ASIC2: variants seen among roughly 807,000 people sequenced by gnomAD.
ASIC2 encodes the protein acid sensing ion channel subunit 2.
A neutral mutation model predicts 57.3 loss-of-function variants in ASIC2; 25 were observed. That is an observed-to-expected ratio of 0.44 (90% confidence interval 0.32 to 0.61). ASIC2 has a LOEUF of 0.61. Among genes scored for constraint, ASIC2 ranks in the 20% least tolerant of loss-of-function variants. The pLI, the probability that ASIC2 is intolerant of heterozygous loss-of-function variation, is 0.06. For synonymous variants in ASIC2, 319 were observed against 307.5 expected (o/e 1.04, Z -0.39); for missense variants, 641 against 738.1 (o/e 0.87, Z 1.52).
intron 1 of ASIC2, among the ~76,000 whole-genome samples, chr17:33,527,687 T>C (rs1914925511): frequency 6.6e-6 from 1 of 152,208 alleles, no homozygotes; most frequent in South Asian, 2.1e-4. Context: ...TCTGTGGGCT[T>C]ACCAGAGTTG....
chr17:33,863,268 C>A (rs2141925235), intron 1 of ASIC2, among the ~76,000 whole-genome samples: 1 of 152,324 alleles, frequency 6.6e-6, no homozygotes, highest in East Asian at 1.9e-4. Flanking sequence ...TCAGGTGGCT[C>A]CTAAAAGGGA....
At chr17:33,205,885 C>T (rs1384715719) in intron 1 of ASIC2, among the ~76,000 whole-genome samples, 1 of 152,192 alleles carries the variant, frequency 6.6e-6, no homozygotes, top group East Asian at 1.9e-4. Context: ...CTTCTCTGGG[C>T]CACAAAGACC....
chr17:33,529,868 T>C (rs1381433084), intron 1 of ASIC2: 1 of 152,214 alleles, frequency 6.6e-6, no homozygotes, highest in Non-Finnish European at 1.5e-5. Flanking sequence ...TCCTCAAGCA[T>C]TCCCTAGGCA....
chr17:33,580,143 A>C (rs151276322), intron 1 of ASIC2: 1 of 152,302 alleles, frequency 6.6e-6, no homozygotes, highest in African/African-American at 2.4e-5. Context: ...CAGGGTAGTA[A>C]GTTGACCACC....
chr17:34,114,596 C>G (rs942512923), intron 1 of ASIC2, among the ~76,000 whole-genome samples: 1 of 152,174 alleles, frequency 6.6e-6, no homozygotes, highest in African/African-American at 2.4e-5. Context: ...GGGCTAAAAG[C>G]AAGTCAGGGA....
intron 1 of ASIC2, among the ~76,000 whole-genome samples, chr17:33,183,248 T>C (rs967757182): frequency 1.3e-5 from 2 of 152,212 alleles, no homozygotes; most frequent in Non-Finnish European, 2.9e-5. Flanking sequence ...TTAACTTCAG[T>C]GAGGAGCTGG....
At chr17:33,371,090 T>C (rs1909044312) in intron 1 of ASIC2, among the ~76,000 whole-genome samples, 1 of 152,216 alleles carries the variant, frequency 6.6e-6, no homozygotes, top group Non-Finnish European at 1.5e-5. Context: ...AAAAGATTAG[T>C]TTTCTTTATT....
chr17:33,597,209 A>G (rs1905007421), intron 1 of ASIC2, among the ~76,000 whole-genome samples: 1 of 152,224 alleles, frequency 6.6e-6, no homozygotes, highest in African/African-American at 2.4e-5. Context: ...CTTTGTTGTC[A>G]GCAGAGTCCC....
At chr17:33,788,519 G>C (rs528123785) in intron 1 of ASIC2, among the ~76,000 whole-genome samples, 33 of 152,212 alleles carry the variant, frequency 2.2e-4, no homozygotes, top group African/African-American at 7.9e-4. Context: ...TCTAGAACCA[G>C]AAATACCATT....
At chr17:33,616,264 G>C (rs12947832) in intron 1 of ASIC2, among the ~76,000 whole-genome samples, 1 of 139,522 alleles carries the variant, frequency 7.2e-6, no homozygotes, top group Non-Finnish European at 1.6e-5. Flanking sequence ...GGGGGTGGGT[G>C]GGGGGGTGGG....
chr17:34,068,907 T>C (rs1909275321), intron 1 of ASIC2, among the ~76,000 whole-genome samples: 2 of 152,178 alleles, frequency 1.3e-5, no homozygotes, highest in East Asian at 3.9e-4. Flanking sequence ...ACTTGATTAA[T>C]GTCAAAGGCT....
chr17:33,530,687 CT>C (rs2141960648), intron 1 of ASIC2, among the ~76,000 whole-genome samples: 1 of 152,324 alleles, frequency 6.6e-6, no homozygotes, highest in African/African-American at 2.4e-5. Flanking sequence ...ACCTAAAATA[CT>C]GATAAACAGC....
At chr17:33,508,058 T>C (rs1373135004) in intron 1 of ASIC2, among the ~76,000 whole-genome samples, 1 of 151,890 alleles carries the variant, frequency 6.6e-6, no homozygotes, top group Non-Finnish European at 1.5e-5. Flanking sequence ...TCCTCTACCT[T>C]TTGCCCCATT....
In ASIC2 at chr17:33,259,172, C is replaced by T. The variant is rs183813063; in HGVS notation, c.708+32236G>A. Among the ~76,000 whole-genome samples the T allele has an allele frequency of 5.4e-4, 82 of 152,080 alleles. 1 individual carries two copies. In the Middle Eastern group the frequency reaches 0.02, roughly 38 times the overall value. On this transcript the variant is annotated intron_variant, in intron 1 of 9. Coordinates refer to ENST00000225823, the MANE Select transcript of ASIC2 (RefSeq NM_183377.2). ...TGTCAGTTCTTGGGGCATCTCGGAA[C>T]GGACAGTTTTGAAACACCAAAGGCA...
At chr17:33,346,856 A>G (rs1036520616) in intron 1 of ASIC2, among the ~76,000 whole-genome samples, 2 of 152,308 alleles carry the variant, frequency 1.3e-5, no homozygotes, top group Non-Finnish European at 2.9e-5. Context: ...GAGCCAGTGA[A>G]GTGGGGATGA....
intron 1 of ASIC2, among the ~76,000 whole-genome samples, chr17:33,761,836 C>CT (rs34948462): frequency 0.017 from 2,394 of 137,364 alleles, 54 homozygotes; most frequent in African/African-American, 0.056. Context: ...AGCGCAAGGG[C>CT]TTTTTTTTTT....
At chr17:33,166,820 C>T (rs1905324401) in intron 1 of ASIC2, among the ~76,000 whole-genome samples, 1 of 152,222 alleles carries the variant, frequency 6.6e-6, no homozygotes. Flanking sequence ...CTCGACAACT[C>T]ATCAGAGAAT....
chr17:34,082,469 T>C (rs1243511109), intron 1 of ASIC2, among the ~76,000 whole-genome samples: 1 of 152,216 alleles, frequency 6.6e-6, no homozygotes, highest in African/African-American at 2.4e-5. Context: ...AAAAGCATTG[T>C]CCTTTAAACG....
intron 1 of ASIC2, among the ~76,000 whole-genome samples, chr17:33,198,995 GT>G (rs1906750662): frequency 6.6e-6 from 1 of 152,158 alleles, no homozygotes. Flanking sequence ...GCCTTCTGTA[GT>G]TTCTCTGATA....
Sources: allele counts gnomAD v4.1 joint callset (sites outside exome capture counted in the v4.1 genomes callset), GRCh38; gene constraint gnomAD v4.1.1; transcripts MANE v1.5; gene names NCBI Gene and HGNC (gene_info 2026-07-23, HGNC 2026-07-21).